Variants in TXN2 observed in about 807,000 individuals in gnomAD.
TXN2 encodes thioredoxin, mitochondrial.
A neutral mutation model predicts 14.6 loss-of-function variants in TXN2; 12 were observed. The observed-to-expected ratio is 0.82, with a 90% CI of 0.53 to 1.33. The LOEUF is 1.33. Ranked by LOEUF, TXN2 falls within the 40% of genes most tolerant of loss-of-function variation. TXN2 has a pLI of 0.00. For synonymous variants in TXN2, 89 were observed against 81.0 expected (o/e 1.10, Z -0.53); for missense variants, 173 against 207.7 (o/e 0.83, Z 1.03).
At chr22:36,468,126 C>T (rs779322231) in intron 3 of TXN2, among the ~76,000 whole-genome samples, 1 of 152,206 alleles carries the variant, frequency 6.6e-6, no homozygotes, top group Admixed American at 6.5e-5. Context: ...TCTTCCATTG[C>T]GGGCTCCCAA....
chr22:36,481,622 C>T lies in TXN2; in HGVS notation c.-59G>A. On this transcript the variant is annotated 5_prime_UTR_variant, in exon 1 of 4. In the 5' UTR this introduces an upstream ATG that the reference lacks. Coordinates refer to ENST00000216185, the MANE Select transcript of TXN2 (RefSeq NM_012473.4). ...TAGCCCTCCCTGCCTGTCAAGGGCA[C>T]GCCTGTCGTCACTTCCTCGGGGGGG... is the stretch of plus-strand genomic sequence containing the variant. 4 of 982,886 alleles carry T rather than the reference C, an allele frequency of 4.1e-6. No individual in the cohort carries two copies. Among genetic ancestry groups the T allele is most frequent in the Non-Finnish European group, 4.9e-6 (4 of 819,714 alleles). 60.9% of individuals were successfully genotyped at this position (982,886 alleles called of 1,614,324 possible). A position where few individuals can be genotyped will look rare whatever the true frequency, so the allele number is the denominator to read the frequency against.
chr22:36,478,883 G>T (rs1279386419), intron 2 of TXN2, among the ~76,000 whole-genome samples: 2 of 152,178 alleles, frequency 1.3e-5, no homozygotes, highest in African/African-American at 2.4e-5. Flanking sequence ...TAACTCGGGA[G>T]GTGGAGGTTG....
intron 3 of TXN2, among the ~76,000 whole-genome samples, chr22:36,474,258 C>T (rs1933342156): frequency 6.6e-6 from 1 of 152,218 alleles, no homozygotes; most frequent in Non-Finnish European, 1.5e-5. Context: ...AGGCCTGCTC[C>T]AGTGGTCACC....
At chr22:36,470,584 C>T (rs913662915) in intron 3 of TXN2, among the ~76,000 whole-genome samples, 30 of 152,154 alleles carry the variant, frequency 2.0e-4, no homozygotes, top group African/African-American at 7.0e-4. Flanking sequence ...ACTTTTTTCA[C>T]GGCAAGACTC....
intron 3 of TXN2, among the ~76,000 whole-genome samples, chr22:36,473,989 G>A (rs1933336513): frequency 6.6e-6 from 1 of 152,204 alleles, no homozygotes; most frequent in Admixed American, 6.5e-5. Flanking sequence ...TGAATACATT[G>A]GCTGAAGCTG....
At chr22:36,470,987 A>C (rs1034846327) in intron 3 of TXN2, among the ~76,000 whole-genome samples, 5 of 148,216 alleles carry the variant, frequency 3.4e-5, no homozygotes, top group Admixed American at 1.3e-4. Flanking sequence ...ATACACACAC[A>C]CACATACACA....
At position 36,467,330 on chromosome 22, in the gene TXN2, AC is replaced by A. The variant is rs1933180346; in HGVS notation, c.*473del. ...TGACTAAGTTCTTTATCACAGACCT[AC>A]AAAAAATGAGATAATTAGATATTAC... On this transcript the variant is annotated 3_prime_UTR_variant, in exon 4 of 4. Transcript: ENST00000216185. The A allele has an allele frequency of 6.1e-6, 1 of 164,082 alleles. No individual in the cohort carries two copies. Among genetic ancestry groups the A allele is most frequent in the South Asian group, 1.6e-4 (1 of 6,286 alleles). 10.2% of individuals were successfully genotyped at this position (164,082 alleles called of 1,614,324 possible). A position where few individuals can be genotyped will look rare whatever the true frequency, so the allele number is the denominator to read the frequency against.
In TXN2 at chr22:36,477,572, A is replaced by G. The variant is rs140338151; in HGVS notation, c.264-716T>C. Among the ~76,000 whole-genome samples, 17 of 152,330 alleles carry G rather than the reference A, an allele frequency of 1.1e-4. No individual in the cohort carries two copies. In the East Asian group the frequency reaches 3.1e-3, roughly 28 times the overall value. ...CTCTCAAAGCTATTAGGAGAGATCA[A>G]CTAAGGCAATGTGGGTAAACATGCA... On this transcript the variant is annotated intron_variant, in intron 2 of 3. Transcript: ENST00000216185.
Position 36,478,973 on chromosome 22 carries a change from A to C in TXN2, c.263+1602T>G, listed in dbSNP as rs565418409. Among the ~76,000 whole-genome samples the C allele has an allele frequency of 3.2e-4, 48 of 151,778 alleles. No individual in the cohort carries two copies. The East Asian group carries it at 9.0e-3, about 28-fold the overall frequency. On this transcript the variant is annotated intron_variant, in intron 2 of 3. Coordinates refer to ENST00000216185, the MANE Select transcript of TXN2 (RefSeq NM_012473.4). Reference sequence around the variant, plus strand: ...TCTCAAAAACAAAAAAGGAAAAAAAACCCTCAGGCCTGGCGCAGTGGTTCA... The same window carrying C: ...TCTCAAAAACAAAAAAGGAAAAAAACCCCTCAGGCCTGGCGCAGTGGTTCA...
intron 3 of TXN2, among the ~76,000 whole-genome samples, chr22:36,472,818 A>G (rs1933309547): frequency 6.6e-6 from 1 of 152,096 alleles, no homozygotes; most frequent in South Asian, 2.1e-4. Flanking sequence ...GTCTGTGCTG[A>G]GAGCGGCAGC....
At chr22:36,471,956 T>C (rs8140252) in intron 3 of TXN2, among the ~76,000 whole-genome samples, 41,450 of 139,268 alleles carry the variant, frequency 0.3, 7,689 homozygotes, top group African/African-American at 0.55. Flanking sequence ...GTGAAAAGAG[T>C]GAGACCCCCT....
intron 3 of TXN2, among the ~76,000 whole-genome samples, chr22:36,470,302 C>T (rs1300709613): frequency 1.3e-5 from 2 of 152,226 alleles, no homozygotes; most frequent in African/African-American, 2.4e-5. Context: ...CAGGCCCCTT[C>T]AAAGGCTGTC....
intron 3 of TXN2, among the ~76,000 whole-genome samples, chr22:36,470,815 A>G (rs1165119460): frequency 6.6e-6 from 1 of 151,688 alleles, no homozygotes; most frequent in African/African-American, 2.4e-5. Context: ...GATGAAGGCC[A>G]TAATGATCTC....
At chr22:36,470,512 C>G (rs1933251279) in intron 3 of TXN2, among the ~76,000 whole-genome samples, 1 of 152,256 alleles carries the variant, frequency 6.6e-6, no homozygotes, top group Admixed American at 6.5e-5. Context: ...CTCCCACCTG[C>G]ACACTGTCCT....
At chr22:36,470,500 G>A (rs1016716661) in intron 3 of TXN2, among the ~76,000 whole-genome samples, 2 of 152,194 alleles carry the variant, frequency 1.3e-5, no homozygotes, top group South Asian at 2.1e-4. Context: ...CTCAGCCACC[G>A]GCTCCCACCT....
Sources: allele counts gnomAD v4.1 joint callset (sites outside exome capture counted in the v4.1 genomes callset), GRCh38; gene constraint gnomAD v4.1.1; transcripts MANE v1.5; gene names NCBI Gene and HGNC (gene_info 2026-07-23, HGNC 2026-07-21).